The following ABI3BP variants were observed in gnomAD, a reference collection of about 807,000 sequenced individuals.
ABI3BP encodes ABI family member 3 binding protein.
A neutral mutation model predicts 268.6 loss-of-function variants in ABI3BP; 216 were observed. That is an observed-to-expected ratio of 0.80 (90% confidence interval 0.72 to 0.90). The LOEUF (loss-of-function observed/expected upper bound fraction) is 0.90. Ranked by LOEUF, ABI3BP falls within the 40% of genes least tolerant of loss-of-function variation. The probability of loss-of-function intolerance (pLI) is 0.00; values close to 1 mark genes in which losing one functional copy is unlikely to be tolerated. For synonymous variants in ABI3BP, 730 were observed against 730.0 expected (o/e 1.00, Z 0.00); for missense variants, 2,090 against 2,182.4 (o/e 0.96, Z 0.84).
intron 2 of ABI3BP, among the ~76,000 whole-genome samples, chr3:100,921,271 G>A (rs2060131461): frequency 6.6e-6 from 1 of 152,218 alleles, no homozygotes; most frequent in South Asian, 2.1e-4. Context: ...TCTGCAGTAA[G>A]GATACTAAAG....
At chr3:100,822,437 C>A (rs1191871620) in intron 38 of ABI3BP, among the ~76,000 whole-genome samples, 152 bp downstream of exon 38, 1 of 152,208 alleles carries the variant, frequency 6.6e-6, no homozygotes, top group Non-Finnish European at 1.5e-5. Context: ...CAGTGTTTCT[C>A]TTACATCTTC....
At chr3:100,887,671 C>T (rs2042616373) in intron 4 of ABI3BP, among the ~76,000 whole-genome samples, 1 of 151,978 alleles carries the variant, frequency 6.6e-6, no homozygotes, top group Non-Finnish European at 1.5e-5. Context: ...AGGTTAGTAC[C>T]TTTCCTCCAC....
At chr3:100,861,854 G>A (rs1438702235) in intron 14 of ABI3BP, among the ~76,000 whole-genome samples, 1 of 152,184 alleles carries the variant, frequency 6.6e-6, no homozygotes, top group African/African-American at 2.4e-5. Flanking sequence ...TACATATCAT[G>A]CTACACTTAC....
At chr3:100,797,312 C>A (rs2097373970) in intron 51 of ABI3BP, among the ~76,000 whole-genome samples, 1 of 151,978 alleles carries the variant, frequency 6.6e-6, no homozygotes, top group Admixed American at 6.6e-5. Flanking sequence ...GGTGATTTGT[C>A]TATTTGTTAG....
At chr3:100,782,923 C>T (rs1388993310) in intron 57 of ABI3BP, among the ~76,000 whole-genome samples, 24 of 152,106 alleles carry the variant, frequency 1.6e-4, no homozygotes. Context: ...AGGGCAGAGT[C>T]AGCTCTGTAA....
chr3:100,864,746 G>A, intron 11 of ABI3BP, 87 bp downstream of exon 11: 2 of 950,344 alleles, frequency 2.1e-6, no homozygotes, highest in Non-Finnish European at 3.2e-6. Context: ...GAGAAGTTAA[G>A]GCACCAGGTT....
intron 51 of ABI3BP, among the ~76,000 whole-genome samples, chr3:100,798,485 G>A (rs889314483): frequency 1.3e-5 from 2 of 151,918 alleles, no homozygotes; most frequent in Non-Finnish European, 2.9e-5. Flanking sequence ...TTCATGCTGG[G>A]AGAAACTCAT....
At chr3:100,836,983 C>A in intron 27 of ABI3BP, 141 bp downstream of exon 27, 1 of 712,374 alleles carries the variant, frequency 1.4e-6, no homozygotes, top group Non-Finnish European at 2.2e-6. Flanking sequence ...TTAAAAAGGC[C>A]CCTGTTGAAA....
intron 42 of ABI3BP, 37 bp from the exon 43 acceptor site, chr3:100,816,805 G>A (rs183915694): frequency 3.0e-5 from 45 of 1,495,878 alleles, no homozygotes; most frequent in Non-Finnish European, 3.7e-5. Context: ...TAGTGCAGGT[G>A]GCTTTGGAGA....
At chr3:100,969,776 T>G (rs1486070301) in intron 1 of ABI3BP, among the ~76,000 whole-genome samples, 1 of 152,164 alleles carries the variant, frequency 6.6e-6, no homozygotes, top group Non-Finnish European at 1.5e-5. Flanking sequence ...GTTAACTCAT[T>G]TTTTTGTAGA....
At chr3:100,943,025 T>G (rs1468359639) in intron 1 of ABI3BP, among the ~76,000 whole-genome samples, 1 of 152,156 alleles carries the variant, frequency 6.6e-6, no homozygotes, top group Non-Finnish European at 1.5e-5. Flanking sequence ...GAACTATTTC[T>G]GGAGACACAT....
intron 4 of ABI3BP, among the ~76,000 whole-genome samples, chr3:100,887,650 TTTTCCTCAAAAGGTTAGTACC>T (rs2042601536): frequency 6.6e-6 from 1 of 152,088 alleles, no homozygotes; most frequent in Non-Finnish European, 1.5e-5. Context: ...TATCTTAACA[TTTTCCTCAAAAGGTTAGTACC>T]TTTCCTCCAC....
At chr3:100,849,224 C>T (rs1284702476) in intron 17 of ABI3BP, among the ~76,000 whole-genome samples, 4 of 125,524 alleles carry the variant, frequency 3.2e-5, no homozygotes, top group African/African-American at 6.1e-5. Context: ...TTTGGAACTA[C>T]TTTTTTTTTT....
chr3:100,778,795 G>T (rs956921638), intron 58 of ABI3BP, among the ~76,000 whole-genome samples: 1 of 152,114 alleles, frequency 6.6e-6, no homozygotes, highest in Non-Finnish European at 1.5e-5. Flanking sequence ...TTAAGTATAT[G>T]GGAAGATGTG....
chr3:100,983,690 C>T (rs956456425), intron 1 of ABI3BP, among the ~76,000 whole-genome samples: 1 of 152,116 alleles, frequency 6.6e-6, no homozygotes, highest in African/African-American at 2.4e-5. Flanking sequence ...CCCTTAAATG[C>T]AGGAAATGTC....
intron 1 of ABI3BP, among the ~76,000 whole-genome samples, chr3:100,964,540 C>T (rs1019208341): frequency 6.6e-6 from 1 of 152,162 alleles, no homozygotes; most frequent in Non-Finnish European, 1.5e-5. Context: ...CCTAAATTTT[C>T]CTGGCATGCA....
At chr3:100,805,651 T>C (rs957189555) in intron 50 of ABI3BP, among the ~76,000 whole-genome samples, 1 of 152,006 alleles carries the variant, frequency 6.6e-6, no homozygotes, top group Non-Finnish European at 1.5e-5. Context: ...CTTGAGGTTA[T>C]GGTTATTAAG....
At chr3:100,926,168 G>A in intron 2 of ABI3BP, 134 bp downstream of exon 2, 1 of 874,362 alleles carries the variant, frequency 1.1e-6, no homozygotes, top group Non-Finnish European at 1.7e-6. Context: ...TTATGAAGAT[G>A]TCTTGTAATT....
intron 2 of ABI3BP, among the ~76,000 whole-genome samples, chr3:100,908,792 T>G (rs996707908): frequency 1.3e-5 from 2 of 152,206 alleles, no homozygotes; most frequent in Admixed American, 6.5e-5. Flanking sequence ...TCCATGCTCA[T>G]GGATAGGAAG....
Sources: gnomAD v4.1 joint callset for allele counts (sites outside exome capture counted in the v4.1 genomes callset) on GRCh38, gnomAD v4.1.1 for gene constraint, MANE v1.5 for transcripts, NCBI Gene and HGNC (gene_info 2026-07-23, HGNC 2026-07-21) for gene names.